Variants in CDH12 observed in about 807,000 individuals in gnomAD.
The protein encoded by CDH12 is cadherin-12.
A neutral mutation model predicts 74.1 loss-of-function variants in CDH12; 41 were observed. The ratio of observed to expected loss-of-function variants is 0.55; its 90% CI spans 0.43 to 0.72. The LOEUF (loss-of-function observed/expected upper bound fraction) is 0.72. CDH12 is among the 30% of genes least tolerant of loss of function. CDH12 has a pLI of 0.00. For missense variants in CDH12, 945 were observed against 977.2 expected, an observed-to-expected ratio of 0.97 and a Z score of 0.44; for synonymous variants, 399 against 355.0, an observed-to-expected ratio of 1.12 and a Z score of -1.39.
chr5:22,440,326 A>G (rs777224816), intron 2 of CDH12, among the ~76,000 whole-genome samples: 1 of 152,158 alleles, frequency 6.6e-6, no homozygotes, highest in African/African-American at 2.4e-5. Context: ...ACAAAATGGT[A>G]TATGTTTAAT....
intron 6 of CDH12, among the ~76,000 whole-genome samples, chr5:21,910,453 A>C (rs1753815090): frequency 6.6e-6 from 1 of 152,086 alleles, no homozygotes; most frequent in Admixed American, 6.6e-5. Flanking sequence ...GCCACTGTAA[A>C]AGAAAGAAAC....
intron 1 of CDH12, among the ~76,000 whole-genome samples, chr5:22,507,377 ATAAT>A (rs1255607482): frequency 2.6e-5 from 4 of 152,266 alleles, no homozygotes; most frequent in South Asian, 2.1e-4. Context: ...TAAAATAATT[ATAAT>A]TAATGTACAT....
intron 10 of CDH12, among the ~76,000 whole-genome samples, chr5:21,790,101 ACTC>A (rs1234968682): frequency 6.6e-6 from 1 of 151,802 alleles, no homozygotes; most frequent in Non-Finnish European, 1.5e-5. Context: ...GGCCCAGAAA[ACTC>A]CTCAAGAGTT....
At chr5:22,750,009 T>G (rs2127032610) in intron 1 of CDH12, among the ~76,000 whole-genome samples, 1 of 152,332 alleles carries the variant, frequency 6.6e-6, no homozygotes, top group Admixed American at 6.5e-5. Flanking sequence ...CCGTTTAGTC[T>G]TGGACATATG....
At chr5:22,590,508 C>T (rs1740646543) in intron 1 of CDH12, among the ~76,000 whole-genome samples, 1 of 152,104 alleles carries the variant, frequency 6.6e-6, no homozygotes, top group Non-Finnish European at 1.5e-5. Context: ...TTGCTAATCA[C>T]TGCATTACAG....
At chr5:21,831,788 T>C (rs1749037834) in intron 8 of CDH12, among the ~76,000 whole-genome samples, 1 of 152,116 alleles carries the variant, frequency 6.6e-6, no homozygotes, top group Non-Finnish European at 1.5e-5. Flanking sequence ...AGCTTTCCAA[T>C]TCAGGTTTTA....
chr5:22,256,080 G>T (rs1346501868), intron 3 of CDH12, among the ~76,000 whole-genome samples: 1 of 152,074 alleles, frequency 6.6e-6, no homozygotes, highest in Non-Finnish European at 1.5e-5. Flanking sequence ...AGGAAACTGA[G>T]ATGCATATTT....
At chr5:22,544,854 G>A (rs560196271) in intron 1 of CDH12, among the ~76,000 whole-genome samples, 2 of 151,940 alleles carry the variant, frequency 1.3e-5, no homozygotes, top group East Asian at 1.9e-4. Flanking sequence ...ATTATTAAAG[G>A]TCACCTTTTC....
intron 3 of CDH12, among the ~76,000 whole-genome samples, chr5:22,251,403 T>C (rs1244720444): frequency 6.6e-6 from 1 of 152,184 alleles, no homozygotes; most frequent in Non-Finnish European, 1.5e-5. Context: ...ATTATTGAAT[T>C]TGTAAAAACA....
At chr5:22,357,181 A>G (rs1308683246) in intron 3 of CDH12, among the ~76,000 whole-genome samples, 3 of 152,138 alleles carry the variant, frequency 2.0e-5, no homozygotes, top group African/African-American at 7.2e-5. Context: ...AACATGGTGG[A>G]AACAGAAAAG....
At chr5:22,644,153 A>C (rs533457505) in intron 1 of CDH12, among the ~76,000 whole-genome samples, 77 of 152,196 alleles carry the variant, frequency 5.1e-4, no homozygotes, top group African/African-American at 1.8e-3. Context: ...TACATGTTCA[A>C]GTGAAAAGTC....
At chr5:21,769,265 A>G (rs1745192103) in intron 11 of CDH12, among the ~76,000 whole-genome samples, 1 of 152,064 alleles carries the variant, frequency 6.6e-6, no homozygotes, top group African/African-American at 2.4e-5. Flanking sequence ...TTGAAATCAG[A>G]CCCAAATATA....
intron 4 of CDH12, among the ~76,000 whole-genome samples, chr5:22,163,488 C>G (rs905349499): frequency 1.3e-5 from 2 of 152,248 alleles, no homozygotes; most frequent in Non-Finnish European, 2.9e-5. Context: ...GTAGTCTTAC[C>G]CACTTCAGTT....
At chr5:22,820,209 T>C (rs561086759) in intron 1 of CDH12, among the ~76,000 whole-genome samples, 1 of 151,828 alleles carries the variant, frequency 6.6e-6, no homozygotes, top group South Asian at 2.1e-4. Context: ...CAGAAATTAA[T>C]GGGAATAAAA....
chr5:22,606,796 C>T (rs1039464600), intron 1 of CDH12, among the ~76,000 whole-genome samples: 2 of 152,058 alleles, frequency 1.3e-5, no homozygotes, highest in African/African-American at 4.8e-5. Context: ...AACTGAGTAA[C>T]AGGTAGAATT....
intron 8 of CDH12, among the ~76,000 whole-genome samples, chr5:21,826,472 C>T (rs188067135): frequency 7.2e-5 from 11 of 152,236 alleles, no homozygotes; most frequent in Non-Finnish European, 2.9e-5. Context: ...CACAATGGCC[C>T]TGGTCACCAC....
At chr5:22,017,922 G>C (rs1230483552) in intron 5 of CDH12, among the ~76,000 whole-genome samples, 1 of 151,950 alleles carries the variant, frequency 6.6e-6, no homozygotes, top group Non-Finnish European at 1.5e-5. Flanking sequence ...ACCATGCCTG[G>C]CTAATTTTGT....
At chr5:22,656,593 T>G (rs1740048137) in intron 1 of CDH12, among the ~76,000 whole-genome samples, 1 of 152,160 alleles carries the variant, frequency 6.6e-6, no homozygotes, top group Admixed American at 6.6e-5. Flanking sequence ...GTAAATTGAT[T>G]TAAAAAAATT....
intron 1 of CDH12, among the ~76,000 whole-genome samples, chr5:22,772,597 CG>C (rs1561020291): frequency 1.3e-5 from 2 of 151,924 alleles, no homozygotes; most frequent in African/African-American, 4.8e-5. Flanking sequence ...GTATCTCACA[CG>C]TTTTTTTTAA....
Sources: gnomAD v4.1 joint callset for allele counts (sites outside exome capture counted in the v4.1 genomes callset) on GRCh38, gnomAD v4.1.1 for gene constraint, MANE v1.5 for transcripts, NCBI Gene and HGNC (gene_info 2026-07-23, HGNC 2026-07-21) for gene names.